The following SYN3 variants were observed in gnomAD, a reference collection of about 807,000 sequenced individuals.
SYN3 encodes the protein synapsin-3.
In SYN3, 35 loss-of-function variants were observed where a neutral mutation model predicts 65.8. That is an observed-to-expected ratio of 0.53 (90% confidence interval 0.41 to 0.70). The LOEUF is 0.70. Among genes scored for constraint, SYN3 ranks in the 30% least tolerant of loss-of-function variants. SYN3 has a pLI of 0.00. For synonymous variants in SYN3, 270 were observed against 292.9 expected (o/e 0.92, Z 0.80); for missense variants, 680 against 749.0 (o/e 0.91, Z 1.08).
At chr22:32,617,016 C>A (rs917234817) in intron 6 of SYN3, among the ~76,000 whole-genome samples, 2 of 152,198 alleles carry the variant, frequency 1.3e-5, no homozygotes, top group South Asian at 2.1e-4. Context: ...GAAGGCGCTG[C>A]GGGAGGGAAG....
intron 6 of SYN3, among the ~76,000 whole-genome samples, chr22:32,825,644 C>T (rs12172200): frequency 3.1e-4 from 32 of 104,108 alleles, no homozygotes; most frequent in Non-Finnish European, 5.2e-4. Flanking sequence ...GGCGACAGAG[C>T]GAGTTTCCAT....
At chr22:32,646,732 G>A (rs558156547) in intron 6 of SYN3, among the ~76,000 whole-genome samples, 1 of 152,318 alleles carries the variant, frequency 6.6e-6, no homozygotes, top group South Asian at 2.1e-4. Context: ...GATTTGACTG[G>A]CTTTGTGAGC....
At chr22:32,839,942 A>G (rs2047845235) in intron 6 of SYN3, among the ~76,000 whole-genome samples, 1 of 151,970 alleles carries the variant, frequency 6.6e-6, no homozygotes, top group African/African-American at 2.4e-5. Flanking sequence ...CTCAAGCAGA[A>G]ACCCATCCTG....
chr22:32,561,711 C>T (rs1310300315), intron 7 of SYN3, among the ~76,000 whole-genome samples: 1 of 152,174 alleles, frequency 6.6e-6, no homozygotes, highest in Non-Finnish European at 1.5e-5. Context: ...CAAGTGTGGA[C>T]CAGTCCATTC....
chr22:32,884,128 C>T lies in SYN3; in HGVS notation c.462-15003G>A, dbSNP rs187517816. Among the ~76,000 whole-genome samples, 262 of 152,298 alleles carry T rather than the reference C, an allele frequency of 1.7e-3. 2 individuals carry two copies. The highest frequency in any genetic ancestry group is 5.5e-3 in the African/African-American group (230 of 41,564). On this transcript the variant is annotated intron_variant, in intron 4 of 13. Transcript: ENST00000358763. ...GCTACCATGTAAAACAAAGTCTGGC[C>T]GAACCTGGGAAACGTTTCTAAGCTA...
chr22:32,836,010 GGT>G (rs1473838720), intron 6 of SYN3, among the ~76,000 whole-genome samples: 1 of 152,136 alleles, frequency 6.6e-6, no homozygotes, highest in African/African-American at 2.4e-5. Context: ...GACTTGGTGG[GGT>G]GTTTCAGATT....
intron 7 of SYN3, among the ~76,000 whole-genome samples, chr22:32,585,991 CGTATATATGTATGT>C (rs2059025518): frequency 1.3e-5 from 1 of 79,818 alleles, no homozygotes; most frequent in Non-Finnish European, 3.0e-5. Flanking sequence ...TGTATGTATA[CGTATATATGTATGT>C]ATGTATACGT....
At chr22:32,733,529 T>G (rs570093183) in intron 6 of SYN3, among the ~76,000 whole-genome samples, 68 of 152,356 alleles carry the variant, frequency 4.5e-4, no homozygotes, top group Non-Finnish European at 8.1e-4. Context: ...AGTAGCTGGC[T>G]CTTGGTTTCT....
intron 6 of SYN3, among the ~76,000 whole-genome samples, chr22:32,767,838 T>G (rs2145755663): frequency 6.6e-6 from 1 of 152,308 alleles, no homozygotes; most frequent in East Asian, 1.9e-4. Context: ...TACCAACACT[T>G]CCTTCTCTTG....
At chr22:32,593,125 C>T (rs1389350151) in intron 7 of SYN3, among the ~76,000 whole-genome samples, 2 of 152,168 alleles carry the variant, frequency 1.3e-5, no homozygotes, top group Admixed American at 6.5e-5. Flanking sequence ...AATATGACAT[C>T]CTTTGCTTCA....
chr22:32,919,293 A>C (rs2050272376), intron 4 of SYN3, among the ~76,000 whole-genome samples: 1 of 151,624 alleles, frequency 6.6e-6, no homozygotes, highest in Non-Finnish European at 1.5e-5. Context: ...TCAAATACCA[A>C]CTTCTCTGTT....
intron 6 of SYN3, among the ~76,000 whole-genome samples, chr22:32,761,068 C>A (rs977800795): frequency 1.3e-5 from 2 of 152,204 alleles, no homozygotes; most frequent in African/African-American, 4.8e-5. Context: ...TAGAGGACAG[C>A]AGCTGCTGCC....
intron 7 of SYN3, among the ~76,000 whole-genome samples, chr22:32,590,429 C>T (rs1300926198): frequency 6.6e-6 from 1 of 152,148 alleles, no homozygotes; most frequent in Non-Finnish European, 1.5e-5. Context: ...GAATATACTA[C>T]AATTGATTTA....
At chr22:33,028,691 A>ATGGTGGTGGTGGTGGTGGTGGTGG (rs1170552905) in intron 1 of SYN3, among the ~76,000 whole-genome samples, 22 of 43,150 alleles carry the variant, frequency 5.1e-4, no homozygotes, top group African/African-American at 2.1e-3. Context: ...GGTGGTGGTG[A>ATGGTGGTGGTGGTGGTGGTGGTGG]TGGTGGTGGT....
intron 1 of SYN3, among the ~76,000 whole-genome samples, chr22:33,025,861 C>T (rs1225094074): frequency 6.6e-6 from 1 of 152,144 alleles, no homozygotes; most frequent in Non-Finnish European, 1.5e-5. Flanking sequence ...TGTGACTGCA[C>T]CAGGCCCCAT....
At chr22:32,529,729 G>T (rs763018742) in intron 10 of SYN3, among the ~76,000 whole-genome samples, 2 of 152,198 alleles carry the variant, frequency 1.3e-5, no homozygotes, top group Non-Finnish European at 2.9e-5. Context: ...AGATCTGGAA[G>T]GGGTGTCTGT....
At chr22:32,622,136 G>A (rs1401132203) in intron 6 of SYN3, among the ~76,000 whole-genome samples, 1 of 151,912 alleles carries the variant, frequency 6.6e-6, no homozygotes, top group Non-Finnish European at 1.5e-5. Context: ...GTCCAGCTTC[G>A]TAAATAGCTT....
intron 6 of SYN3, among the ~76,000 whole-genome samples, chr22:32,766,924 G>C (rs2045641883): frequency 6.6e-6 from 1 of 152,208 alleles, no homozygotes; most frequent in Non-Finnish European, 1.5e-5. Context: ...GGACTTACGT[G>C]TGCAATTCTG....
At chr22:32,827,584 T>C (rs892383962) in intron 6 of SYN3, among the ~76,000 whole-genome samples, 5 of 135,224 alleles carry the variant, frequency 3.7e-5, no homozygotes, top group African/African-American at 1.4e-4. Context: ...GTTATGACTA[T>C]CATGAACTCC....
Sources: gnomAD v4.1 joint callset for allele counts (sites outside exome capture counted in the v4.1 genomes callset) on GRCh38, gnomAD v4.1.1 for gene constraint, MANE v1.5 for transcripts, NCBI Gene and HGNC (gene_info 2026-07-23, HGNC 2026-07-21) for gene names.